The following RPL12 variants were observed in gnomAD, a reference collection of about 807,000 sequenced individuals.
RPL12 encodes large ribosomal subunit protein uL11.
In RPL12, 10 loss-of-function variants were observed where a neutral mutation model predicts 24.5. The observed-to-expected ratio is 0.41, with a 90% CI of 0.25 to 0.69. The LOEUF (loss-of-function observed/expected upper bound fraction) is 0.69. Ranked by LOEUF, RPL12 falls within the 30% of genes least tolerant of loss-of-function variation. The pLI is 0.33. For synonymous variants in RPL12, 74 were observed against 76.1 expected (o/e 0.97, Z 0.14); for missense variants, 137 against 205.3 (o/e 0.67, Z 2.03).
chr9:127,450,891 C>G, intron 1 of RPL12, 87 bp from the exon 2 acceptor site: 2 of 1,014,704 alleles, frequency 2.0e-6, no homozygotes, highest in Non-Finnish European at 3.0e-6. Context: ...GACACGCCAC[C>G]CTCTGCCTCT....
At chr9:127,450,899 T>A in intron 1 of RPL12, 95 bp from the exon 2 acceptor site, 2 of 981,682 alleles carry the variant, frequency 2.0e-6, no homozygotes, top group Non-Finnish European at 3.1e-6. Flanking sequence ...ACCCTCTGCC[T>A]CTTCTCGAAA....
intron 2 of RPL12, 147 bp from the exon 3 acceptor site, chr9:127,449,855 C>G (rs1224561712): frequency 1.5e-6 from 1 of 653,106 alleles, no homozygotes; most frequent in East Asian, 2.7e-5. Context: ...ATCACCATAG[C>G]ATAAATTGGG....
chr9:127,449,419 C>G, intron 3 of RPL12, 57 bp from the exon 4 acceptor site: 1 of 1,503,788 alleles, frequency 6.6e-7, no homozygotes, highest in East Asian at 2.3e-5. Context: ...GCCATGCACG[C>G]TGGCTCTCAA....
intron 2 of RPL12, 39 bp downstream of exon 2, chr9:127,450,692 C>A: frequency 6.8e-7 from 1 of 1,473,356 alleles, no homozygotes. Context: ...TAAAGTGAAA[C>A]AAATGTGAAA....
At chr9:127,449,925 CCCT>C (rs939423424) in intron 2 of RPL12, 13 of 547,996 alleles carry the variant, frequency 2.4e-5, no homozygotes, top group South Asian at 8.5e-5. Flanking sequence ...AACCTAGACC[CCCT>C]CCTAAGTGCC....
At position 127,450,806 on chromosome 9, in the gene RPL12, TG is replaced by T; in HGVS notation, c.38-3del. 1 of 1,561,440 alleles carries T rather than the reference TG, an allele frequency of 6.4e-7. No homozygotes were observed. Among genetic ancestry groups the T allele is most frequent in the Non-Finnish European group, 8.7e-7 (1 of 1,154,858 alleles). On this transcript the variant is annotated splice_polypyrimidine_tract_variant and splice_region_variant and intron_variant, in intron 1 of 6. Transcript: ENST00000361436. ...CACCTCCGGTGCACCTCAGGTATAC[TG>T]GGGGAAAAGAAGAGTTAGTGTCTGT...
At chr9:127,451,008 A>G (rs1834293890) in intron 1 of RPL12, 1 of 641,312 alleles carries the variant, frequency 1.6e-6, no homozygotes, top group Non-Finnish European at 2.7e-6. Flanking sequence ...GTCGCCCGCT[A>G]ACCCAGGCCA....
intron 3 of RPL12, 75 bp from the exon 4 acceptor site, chr9:127,449,437 G>T: frequency 7.0e-7 from 1 of 1,425,804 alleles, no homozygotes; most frequent in Non-Finnish European, 9.8e-7. Context: ...CAAAAATCAT[G>T]GCCACACACT....
intron 5 of RPL12, 72 bp downstream of exon 5, chr9:127,448,265 G>A (rs1379235817): frequency 2.3e-6 from 3 of 1,279,410 alleles, no homozygotes; most frequent in African/African-American, 2.9e-5. Context: ...CACCCTTCAA[G>A]TAAGAAGAAT....
At chr9:127,450,182 T>C (rs1834257290) in intron 2 of RPL12, 1 of 173,728 alleles carries the variant, frequency 5.8e-6, no homozygotes, top group South Asian at 1.3e-4. Flanking sequence ...AAAAGACCAA[T>C]GGGGAAGAGC....
chr9:127,448,123 A>G, intron 5 of RPL12, 134 bp from the exon 6 acceptor site: 1 of 1,195,278 alleles, frequency 8.4e-7, no homozygotes, highest in Admixed American at 2.6e-5. Flanking sequence ...TATAGAATAT[A>G]GAGTTCCATC....
chr9:127,449,623 T>C lies in RPL12; in HGVS notation c.197A>G (p.Asn66Ser), dbSNP rs1302631828. 1 of 1,614,116 alleles carries C rather than the reference T, an allele frequency of 6.2e-7. No homozygotes were observed. The highest frequency in any genetic ancestry group is 8.5e-7 in the Non-Finnish European group (1 of 1,179,972). The change falls in exon 3 of 7, where the codon AAC (asparagine) becomes AGC (serine). Residue 66 changes from asparagine (N) to serine (S), a missense_variant. By Grantham distance (46) the Asn-to-Ser change is conservative. This residue lies in a region of RPL12 where 118 missense variants were observed against 160.7 expected (regional missense o/e 0.73). Transcript: ENST00000361436. ...LRITVKLTIQ[N>S]RQAQIEVVPS... ...ACAAGCAAATACCTGGGCCTGTCTGTTCTGAATGGTCAGTTTCACTGTAAT... is the reference window on the plus strand; with the variant it reads ...ACAAGCAAATACCTGGGCCTGTCTGCTCTGAATGGTCAGTTTCACTGTAAT...
In RPL12 at chr9:127,451,368, A is replaced by T; in HGVS notation, c.-51T>A. On this transcript the variant is annotated 5_prime_UTR_variant, in exon 1 of 7. Transcript: ENST00000361436. ...ACCCGGATTCGGGACGACCGAAGGA[A>T]GTTGCACCTTGGCCTCCTCCGAGCC... 1 of 1,609,416 alleles carries T rather than the reference A, an allele frequency of 6.2e-7. No homozygotes were observed. Among genetic ancestry groups the T allele is most frequent in the Non-Finnish European group, 8.5e-7 (1 of 1,178,896 alleles).
chr9:127,447,973 G>T lies in RPL12; in HGVS notation c.396C>A (p.Ile132=), dbSNP rs141444874. 4.3e-5 allele frequency: 70 copies of T among 1,611,110 alleles called. No homozygotes were observed. In the African/African-American group the frequency reaches 8.6e-4, roughly 20 times the overall value. ...ARELSGTIKE[I]LGTAQSVGCN... ...AGCCCACTGACTGGGCAGTCCCCAGGATCTCTTTAATGGTTCCTTTAAGTA... is the reference window on the plus strand; with the variant it reads ...AGCCCACTGACTGGGCAGTCCCCAGTATCTCTTTAATGGTTCCTTTAAGTA... The change falls in exon 6 of 7, where the codon ATC becomes ATA. Residue 132 remains isoleucine, a synonymous_variant. Transcript: ENST00000361436.
At chr9:127,449,139 C>T in intron 4 of RPL12, 142 bp downstream of exon 4, 2 of 641,954 alleles carry the variant, frequency 3.1e-6, no homozygotes, top group Non-Finnish European at 2.7e-6. Context: ...CTTTTTCATA[C>T]TACCTGGCTC....
intron 3 of RPL12, 52 bp from the exon 4 acceptor site, chr9:127,449,414 G>T: frequency 6.6e-7 from 1 of 1,511,664 alleles, no homozygotes; most frequent in Non-Finnish European, 9.1e-7. Context: ...ATACTGCCAT[G>T]CACGCTGGCT....
intron 1 of RPL12, chr9:127,451,019 A>G (rs2247303): frequency 0.59 from 378,281 of 642,248 alleles, 112,975 homozygotes; most frequent in African/African-American, 0.64. Flanking sequence ...ACCCAGGCCA[A>G]TGGGGCGAAA....
intron 6 of RPL12, 23 bp from the exon 7 acceptor site, chr9:127,447,749 CAGTAAAA>C (rs767315176): frequency 9.9e-6 from 16 of 1,613,202 alleles, no homozygotes; most frequent in Non-Finnish European, 1.4e-5. Context: ...AAAAAAAAAT[CAGTAAAA>C]AGTTTAAAAG....
rs770663771 is a variant in RPL12, at chr9:127,451,268, C to G, written c.37+13G>C. 1.2e-6 allele frequency: 2 copies of G among 1,612,814 alleles called. No homozygotes were observed. Among genetic ancestry groups the G allele is most frequent in the South Asian group, 1.1e-5 (1 of 91,044 alleles). On this transcript the variant is annotated intron_variant, in intron 1 of 6. Coordinates refer to ENST00000361436, the MANE Select transcript of RPL12 (RefSeq NM_000976.4). The stretch of plus-strand genomic sequence containing the variant: ...CTCCATCCCGCAGCCCCGGCCACAA[C>G]CAGAGCACGCACCGACTTTGATCTC...
Sources: gnomAD v4.1 joint callset for allele counts on GRCh38, gnomAD v4.1.1 for gene constraint, gnomAD v4.1.1 regional missense constraint, MANE v1.5 for transcripts, NCBI Gene and HGNC (gene_info 2026-07-23, HGNC 2026-07-21) for gene names.